Variants in KLRG1 observed in about 807,000 individuals in gnomAD.
KLRG1 encodes killer cell lectin-like receptor subfamily G member 1.
A neutral mutation model predicts 21.8 loss-of-function variants in KLRG1; 16 were observed. The observed-to-expected ratio is 0.73, with a 90% CI of 0.50 to 1.11. KLRG1 has a LOEUF of 1.11. Ranked by LOEUF, KLRG1 falls within the 50% of genes most tolerant of loss-of-function variation. The pLI, the probability that KLRG1 is intolerant of heterozygous loss-of-function variation, is 0.00. For synonymous variants in KLRG1, 69 were observed against 75.9 expected, an observed-to-expected ratio of 0.91 and a Z score of 0.47; for missense variants, 173 against 218.3, an observed-to-expected ratio of 0.79 and a Z score of 1.31.
intron 1 of KLRG1, among the ~76,000 whole-genome samples, chr12:8,964,022 T>A (rs1946423339): frequency 6.6e-6 from 1 of 152,324 alleles, no homozygotes; most frequent in East Asian, 1.9e-4. Context: ...GGGTTTTTTG[T>A]GTCTCTATCT....
At chr12:9,160,187 G>C in the KLRG1 span, 1 of 1,088,888 alleles carries the variant, frequency 9.2e-7, no homozygotes, top group Non-Finnish European at 1.3e-6. Flanking sequence ...CATCCTATTA[G>C]AGTGTGGGAA....
chr12:9,063,055 T>G, the KLRG1 span, among the ~76,000 whole-genome samples: 1 of 152,106 alleles, frequency 6.6e-6, no homozygotes, highest in Non-Finnish European at 1.5e-5. Flanking sequence ...ATAAGACCTT[T>G]TTTTCCCGAG....
intron 3 of KLRG1, among the ~76,000 whole-genome samples, chr12:9,003,627 A>G (rs953377663): frequency 6.6e-6 from 1 of 151,892 alleles, no homozygotes; most frequent in African/African-American, 2.4e-5. Context: ...TACCCCCAGC[A>G]TGCACAGTTA....
At chr12:9,146,067 T>C in the KLRG1 span, among the ~76,000 whole-genome samples, 1 of 152,172 alleles carries the variant, frequency 6.6e-6, no homozygotes, top group African/African-American at 2.4e-5. Context: ...CATTTCCTTT[T>C]TCAGGTTGAG....
At chr12:8,995,431 T>G (rs762274688) in intron 3 of KLRG1, 143 bp downstream of exon 3, 19 of 700,966 alleles carry the variant, frequency 2.7e-5, no homozygotes, top group Non-Finnish European at 3.7e-5. Flanking sequence ...TTCTTCCCCT[T>G]CCCTCTTCTT....
the KLRG1 span, among the ~76,000 whole-genome samples, chr12:9,029,297 C>A: frequency 2.0e-5 from 3 of 152,130 alleles, no homozygotes; most frequent in Non-Finnish European, 4.4e-5. Context: ...CTCACTGCAA[C>A]CTCTGCCTCC....
At chr12:9,150,617 A>G in the KLRG1 span, 1 of 1,458,156 alleles carries the variant, frequency 6.9e-7, no homozygotes, top group South Asian at 1.2e-5. Flanking sequence ...GCTCTGGTTA[A>G]GATTGTTTCA....
At chr12:8,993,373 C>T (rs1947034331) in intron 2 of KLRG1, among the ~76,000 whole-genome samples, 1 of 152,132 alleles carries the variant, frequency 6.6e-6, no homozygotes, top group Non-Finnish European at 1.5e-5. Flanking sequence ...ACTGCAACCT[C>T]TGCCTCCCAG....
chr12:8,955,375 A>ATTT (rs61263683), intron 1 of KLRG1, among the ~76,000 whole-genome samples: 2 of 71,334 alleles, frequency 2.8e-5, no homozygotes, highest in African/African-American at 5.5e-5. Context: ...TATTGCTCTG[A>ATTT]TTTTTTTTTT....
intron 3 of KLRG1, among the ~76,000 whole-genome samples, chr12:8,996,278 C>G (rs909618702): frequency 1.3e-5 from 2 of 152,144 alleles, no homozygotes; most frequent in African/African-American, 2.4e-5. Context: ...CAAGGCAATA[C>G]AAGGAACTGA....
chr12:9,167,298 T>C, the KLRG1 span: 1 of 152,200 alleles, frequency 6.6e-6, no homozygotes, highest in East Asian at 1.9e-4. Context: ...TCAACTCCAT[T>C]TAGTGGACCA....
At chr12:9,098,708 G>A in the KLRG1 span, 1 of 1,612,720 alleles carries the variant, frequency 6.2e-7, no homozygotes, top group African/African-American at 1.3e-5. Context: ...ACTCGCAGGT[G>A]GGCGTGTGAG....
chr12:9,169,591 C>T, the KLRG1 span: 1 of 1,599,730 alleles, frequency 6.3e-7, no homozygotes, highest in South Asian at 1.1e-5. Flanking sequence ...AGATTATATA[C>T]CTGTAGCAGT....
chr12:9,204,501 T>C, the KLRG1 span, among the ~76,000 whole-genome samples: 1 of 152,208 alleles, frequency 6.6e-6, no homozygotes, highest in Non-Finnish European at 1.5e-5. Flanking sequence ...CAAAATCATT[T>C]TCTTAATATC....
chr12:9,186,856 G>T, the KLRG1 span, among the ~76,000 whole-genome samples: 4 of 149,802 alleles, frequency 2.7e-5, no homozygotes, highest in Non-Finnish European at 3.0e-5. Context: ...TGTCGGGGGT[G>T]GGGGGCTGGG....
the KLRG1 span, chr12:9,077,441 T>A: frequency 3.1e-6 from 5 of 1,600,418 alleles, no homozygotes; most frequent in Non-Finnish European, 4.3e-6. Flanking sequence ...GAGAGAGAGA[T>A]CTGAATAATT....
the KLRG1 span, chr12:9,094,941 A>G: frequency 8.3e-7 from 1 of 1,199,194 alleles, no homozygotes; most frequent in South Asian, 1.7e-5. Context: ...TGAATATATT[A>G]GGCAATATAT....
At position 9,004,109 on chromosome 12, in the gene KLRG1, G is replaced by A. The variant is rs745467269; in HGVS notation, c.358-4866G>A. On this transcript the variant is annotated intron_variant, in intron 3 of 4. Transcript: ENST00000356986. ...TTCTTAATCCAGTCTATCATTGTTG[G>A]ACATTTGGGTTGGTTCCAAGTCTTT... 9.9e-4 allele frequency among the ~76,000 whole-genome samples: 151 copies of A among 152,108 alleles called. 1 individual carries two copies. The highest frequency in any genetic ancestry group is 3.6e-3 in the African/African-American group (150 of 41,486).
At chr12:9,149,409 G>A in the KLRG1 span, 20 of 681,932 alleles carry the variant, frequency 2.9e-5, no homozygotes, top group South Asian at 3.4e-4. Flanking sequence ...TACAGAATAG[G>A]CATGCTACGC....
Sources: gnomAD v4.1 joint callset for allele counts (sites outside exome capture counted in the v4.1 genomes callset) on GRCh38, gnomAD v4.1.1 for gene constraint, MANE v1.5 for transcripts, NCBI Gene and HGNC (gene_info 2026-07-23, HGNC 2026-07-21) for gene names.